Variants in NPAS3 observed in about 807,000 individuals in gnomAD.
NPAS3 encodes the protein neuronal PAS domain protein 3.
NPAS3 carries 14 observed loss-of-function variants against 73.1 expected under a neutral mutation model. The observed-to-expected ratio is 0.19, with a 90% CI of 0.13 to 0.30. The LOEUF (loss-of-function observed/expected upper bound fraction) is 0.30. Among genes scored for constraint, NPAS3 ranks in the 10% least tolerant of loss-of-function variants. The pLI is 1.00. For synonymous variants in NPAS3, 620 were observed against 541.5 expected (o/e 1.14, Z -2.01); for missense variants, 1,096 against 1,250.0 (o/e 0.88, Z 1.86).
intron 5 of NPAS3, among the ~76,000 whole-genome samples, chr14:33,583,661 G>A (rs2056762636): frequency 6.6e-6 from 1 of 152,030 alleles, no homozygotes; most frequent in Non-Finnish European, 1.5e-5. Context: ...TATTGGAAAG[G>A]GGAACAACAC....
At position 33,084,074 on chromosome 14, in the gene NPAS3, A is replaced by G. The variant is rs564413404; in HGVS notation, c.140+28080A>G. On this transcript the variant is annotated intron_variant, in intron 2 of 11. Coordinates refer to ENST00000356141, the Ensembl canonical transcript of NPAS3. ...TCTCAGACATTAGAAACTTTAGTAAAAGTATATCAAAAAGAGTGGGGTCTT... is the reference window on the plus strand; with the variant it reads ...TCTCAGACATTAGAAACTTTAGTAAGAGTATATCAAAAAGAGTGGGGTCTT... Among the ~76,000 whole-genome samples the G allele has an allele frequency of 2.6e-5, 4 of 152,322 alleles. No homozygotes were observed. In the East Asian group the frequency reaches 7.7e-4, roughly 29 times the overall value.
intron 4 of NPAS3, among the ~76,000 whole-genome samples, chr14:33,498,990 G>GTGTGTGTGTGTGTGTGTGTGTGTGTGT (rs2052379607): frequency 6.9e-6 from 1 of 144,660 alleles, no homozygotes; most frequent in Admixed American, 7.0e-5. Flanking sequence ...GTGTGTGTGT[G>GTGTGTGTGTGTGTGTGTGTGTGTGTGT]GTGGGAAGGG....
chr14:33,221,852 GT>G (rs1170912854), intron 3 of NPAS3, among the ~76,000 whole-genome samples: 2 of 152,078 alleles, frequency 1.3e-5, no homozygotes, highest in Admixed American at 1.3e-4. Flanking sequence ...AGGGGTAAAA[GT>G]GTAATAACTT....
At chr14:33,021,044 G>A (rs1031538354) in intron 1 of NPAS3, among the ~76,000 whole-genome samples, 1 of 152,144 alleles carries the variant, frequency 6.6e-6, no homozygotes, top group Non-Finnish European at 1.5e-5. Context: ...CATTACAGGC[G>A]TGAGCCACTG....
chr14:33,682,190 GA>G (rs1358438806), intron 6 of NPAS3, among the ~76,000 whole-genome samples: 2 of 152,228 alleles, frequency 1.3e-5, no homozygotes, highest in African/African-American at 2.4e-5. Context: ...AAATCCATCA[GA>G]TAAACTACCA....
chr14:32,938,704 C>A (rs2035811349), upstream of NPAS3, among the ~76,000 whole-genome samples: 1 of 150,460 alleles, frequency 6.6e-6, no homozygotes, highest in Non-Finnish European at 1.5e-5. Context: ...CACCTGCCAC[C>A]GGGCTGCTCC....
At chr14:33,680,763 C>G (rs750880407) in intron 6 of NPAS3, 4 of 642,990 alleles carry the variant, frequency 6.2e-6, no homozygotes, top group Non-Finnish European at 1.1e-5. Flanking sequence ...AATACTGTAC[C>G]AGGATTTAGA....
At chr14:33,483,332 G>A (rs142273169) in intron 4 of NPAS3, among the ~76,000 whole-genome samples, 206 of 152,266 alleles carry the variant, frequency 1.4e-3, no homozygotes, top group Non-Finnish European at 1.7e-3. Context: ...TGGGCTGCTT[G>A]TCTCCACCCG....
chr14:33,632,487 T>C (rs1355462539), intron 5 of NPAS3, among the ~76,000 whole-genome samples: 1 of 152,236 alleles, frequency 6.6e-6, no homozygotes, highest in Non-Finnish European at 1.5e-5. Context: ...TTAACTGCTG[T>C]ATTTATAACA....
chr14:33,339,786 T>A (rs2140306262), intron 3 of NPAS3, among the ~76,000 whole-genome samples: 1 of 152,332 alleles, frequency 6.6e-6, no homozygotes, highest in African/African-American at 2.4e-5. Context: ...CCCATCAAAG[T>A]AGCATTTCAG....
intron 2 of NPAS3, among the ~76,000 whole-genome samples, chr14:33,203,869 C>T (rs1189253325): frequency 6.6e-6 from 1 of 152,140 alleles, no homozygotes; most frequent in Non-Finnish European, 1.5e-5. Context: ...AATGGTATTT[C>T]TAGTTCTAGA....
rs539827014 is a variant in NPAS3, at chr14:33,073,821, GGA to G, written c.140+17829_140+17830del. Among the ~76,000 whole-genome samples the G allele has an allele frequency of 5.3e-3, 815 of 152,338 alleles. 3 individuals carry two copies. Among genetic ancestry groups the G allele is most frequent in the Middle Eastern group, 0.048 (14 of 294 alleles). On this transcript the variant is annotated intron_variant, in intron 2 of 11. Coordinates refer to ENST00000356141, the Ensembl canonical transcript of NPAS3. ...ATTTTTGTAACCTCTGTGTTTGCATGGAGTGGATGAGAGAGAGAGGCCAGCTT... is the reference window on the plus strand; with the variant it reads ...ATTTTTGTAACCTCTGTGTTTGCATGGTGGATGAGAGAGAGAGGCCAGCTT...
intron 5 of NPAS3, among the ~76,000 whole-genome samples, chr14:33,627,284 T>G (rs549497316): frequency 1.3e-4 from 20 of 152,264 alleles, no homozygotes; most frequent in African/African-American, 3.4e-4. Context: ...TCTTTCTTAG[T>G]CTATGGTACT....
intron 4 of NPAS3, among the ~76,000 whole-genome samples, chr14:33,387,386 C>T (rs576462716): frequency 6.6e-5 from 10 of 152,102 alleles, no homozygotes; most frequent in Admixed American, 5.2e-4. Context: ...CTCAGAAGCC[C>T]GGAGCTTAGC....
intron 2 of NPAS3, among the ~76,000 whole-genome samples, chr14:33,196,240 A>G (rs1412032110): frequency 6.6e-6 from 1 of 152,196 alleles, no homozygotes; most frequent in Non-Finnish European, 1.5e-5. Context: ...TATTTTCCAG[A>G]TGACCTGTCT....
At chr14:33,304,763 C>T (rs2042692336) in intron 3 of NPAS3, among the ~76,000 whole-genome samples, 1 of 151,922 alleles carries the variant, frequency 6.6e-6, no homozygotes, top group Non-Finnish European at 1.5e-5. Context: ...TTTGTGTATG[C>T]ATGTTTATTT....
At chr14:33,121,784 A>C (rs2139039601) in intron 2 of NPAS3, among the ~76,000 whole-genome samples, 1 of 152,278 alleles carries the variant, frequency 6.6e-6, no homozygotes, top group Non-Finnish European at 1.5e-5. Context: ...TGAAGCTTAA[A>C]TGTTCAATTG....
At chr14:33,709,562 A>G (rs563921532) in intron 6 of NPAS3, among the ~76,000 whole-genome samples, 21 of 152,310 alleles carry the variant, frequency 1.4e-4, no homozygotes, top group African/African-American at 5.1e-4. Flanking sequence ...AGTTGATATT[A>G]TGAGTAACAT....
chr14:33,791,032 C>A (rs1001716083), intron 9 of NPAS3, among the ~76,000 whole-genome samples: 16 of 152,212 alleles, frequency 1.1e-4, no homozygotes, highest in African/African-American at 3.9e-4. Flanking sequence ...CTGTAGTTAT[C>A]TAGATTCCCA....
Sources: allele counts gnomAD v4.1 joint callset (sites outside exome capture counted in the v4.1 genomes callset), GRCh38; gene constraint gnomAD v4.1.1; transcripts MANE v1.5; gene names NCBI Gene and HGNC (gene_info 2026-07-23, HGNC 2026-07-21).